The following NCK2 variants were observed in gnomAD, a reference collection of about 807,000 sequenced individuals.
NCK2 encodes NCK adaptor protein 2, also known as cytoplasmic protein NCK2.
In NCK2, 16 loss-of-function variants were observed where a neutral mutation model predicts 33.9. That is an observed-to-expected ratio of 0.47 (90% CI 0.32 to 0.72). NCK2 has a LOEUF of 0.72. Ranked by LOEUF, NCK2 falls within the 30% of genes least tolerant of loss-of-function variation. NCK2 has a pLI of 0.03. For synonymous variants in NCK2, 273 were observed against 239.9 expected, an observed-to-expected ratio of 1.14 and a Z score of -1.27; for missense variants, 418 against 537.3, an observed-to-expected ratio of 0.78 and a Z score of 2.19.
rs1033512655 is a variant in NCK2 at position 105,894,168 on chromosome 2, G to A, written c.*992G>A. 6.6e-5 allele frequency: 10 copies of A among 152,380 alleles called. No individual in the cohort carries two copies. Among genetic ancestry groups the A allele is most frequent in the East Asian group, 1.9e-4 (1 of 5,176 alleles). The allele number at this position is 152,380 out of a possible 1,614,324, so 9.4% of individuals were successfully genotyped here. On this transcript the variant is annotated 3_prime_UTR_variant, in exon 5 of 5. Transcript: ENST00000233154. ...AACTTCTTTATAGTTTAAATATAACGTCTTGAGATGGCACATTCCTACGAT... is the reference window on the plus strand; with the variant it reads ...AACTTCTTTATAGTTTAAATATAACATCTTGAGATGGCACATTCCTACGAT...
intron 1 of NCK2, among the ~76,000 whole-genome samples, chr2:105,776,929 G>A (rs1017697368): frequency 6.6e-6 from 1 of 151,228 alleles, no homozygotes; most frequent in African/African-American, 2.4e-5. Flanking sequence ...ACCTCCTAGG[G>A]GTTTCATATA....
intron 2 of NCK2, among the ~76,000 whole-genome samples, chr2:105,840,271 C>T (rs1395056506): frequency 3.3e-5 from 5 of 152,090 alleles, no homozygotes; most frequent in Non-Finnish European, 2.9e-5. Flanking sequence ...ATTCAGTCCA[C>T]GGAGGAGGAC....
intron 3 of NCK2, chr2:105,856,991 T>C (rs1318435235): frequency 1.3e-5 from 2 of 151,976 alleles, no homozygotes; most frequent in Admixed American, 1.3e-4. Flanking sequence ...TTTTTAGTGA[T>C]GCCAAACATT....
chr2:105,780,463 G>C (rs960297347), intron 1 of NCK2, among the ~76,000 whole-genome samples: 1 of 151,956 alleles, frequency 6.6e-6, no homozygotes, highest in African/African-American at 2.4e-5. Context: ...CTCAAATCCT[G>C]CTTCTCGCTC....
At chr2:105,778,877 T>C (rs1426220140) in intron 1 of NCK2, among the ~76,000 whole-genome samples, 2 of 152,104 alleles carry the variant, frequency 1.3e-5, no homozygotes, top group Non-Finnish European at 2.9e-5. Flanking sequence ...CACACACCAC[T>C]ATACCAGGCT....
chr2:105,778,717 C>T (rs1385407566), intron 1 of NCK2, among the ~76,000 whole-genome samples: 3 of 151,930 alleles, frequency 2.0e-5, no homozygotes, highest in Non-Finnish European at 2.9e-5. Flanking sequence ...TTTTTTTCTT[C>T]TTTCATTTCT....
At chr2:105,819,128 C>T (rs978019416) in intron 2 of NCK2, among the ~76,000 whole-genome samples, 1 of 152,090 alleles carries the variant, frequency 6.6e-6, no homozygotes, top group Non-Finnish European at 1.5e-5. Flanking sequence ...GGTTGGCACT[C>T]ACACTGCATA....
intron 2 of NCK2, among the ~76,000 whole-genome samples, chr2:105,842,365 C>T (rs1003102484): frequency 5.9e-5 from 9 of 152,198 alleles, no homozygotes; most frequent in Admixed American, 1.3e-4. Context: ...GGATTACAGG[C>T]GTGAGCCACT....
chr2:105,862,522 A>G lies in NCK2; in HGVS notation c.226+7233A>G, dbSNP rs1212673913. 9.2e-5 allele frequency among the ~76,000 whole-genome samples: 14 copies of G among 152,226 alleles called. 1 individual carries two copies. The highest frequency in any genetic ancestry group is 9.2e-4 in the Admixed American group (14 of 15,296). On this transcript the variant is annotated intron_variant, in intron 3 of 4. Transcript: ENST00000233154. The stretch of plus-strand genomic sequence containing the variant: ...GAATTATTTTTCCTCTACCAAATTG[A>G]CTATCTGGATTTAGTGGTAGGCCGC...
intron 1 of NCK2, among the ~76,000 whole-genome samples, chr2:105,749,961 C>T (rs547703563): frequency 2.6e-5 from 4 of 151,556 alleles, no homozygotes; most frequent in Admixed American, 2.0e-4. Context: ...ACCCAGGAGG[C>T]GGAGGTTGCA....
intron 2 of NCK2, among the ~76,000 whole-genome samples, chr2:105,831,976 T>G (rs1414703314): frequency 6.6e-6 from 1 of 152,188 alleles, no homozygotes; most frequent in Non-Finnish European, 1.5e-5. Flanking sequence ...GTAGATTGCT[T>G]TGGATGTAAT....
intron 1 of NCK2, among the ~76,000 whole-genome samples, chr2:105,800,634 A>G (rs75403993): frequency 6.6e-6 from 1 of 152,184 alleles, no homozygotes; most frequent in Non-Finnish European, 1.5e-5. Context: ...AGAAACATTC[A>G]TCCTGTTTTT....
intron 1 of NCK2, among the ~76,000 whole-genome samples, chr2:105,757,990 T>C (rs893518905): frequency 2.5e-4 from 38 of 152,184 alleles, no homozygotes; most frequent in African/African-American, 8.7e-4. Context: ...GTGGGTGTTA[T>C]TATTCCAGGG....
At chr2:105,853,927 C>A (rs1001603264) in intron 2 of NCK2, 2 of 152,172 alleles carry the variant, frequency 1.3e-5, no homozygotes, top group Admixed American at 6.5e-5. Flanking sequence ...GGATGAGGAA[C>A]CTGATCAGAT....
chr2:105,769,052 T>TC (rs1690040523), intron 1 of NCK2, among the ~76,000 whole-genome samples: 1 of 152,058 alleles, frequency 6.6e-6, no homozygotes, highest in South Asian at 2.1e-4. Context: ...AATGACCAGC[T>TC]CCCCTCCAGG....
At chr2:105,861,768 G>A (rs948914620) in intron 3 of NCK2, among the ~76,000 whole-genome samples, 7 of 152,040 alleles carry the variant, frequency 4.6e-5, no homozygotes, top group Non-Finnish European at 1.0e-4. Context: ...ACCTCCCTCA[G>A]CCTCCCAAAG....
intron 4 of NCK2, among the ~76,000 whole-genome samples, chr2:105,892,020 G>A (rs1679007055): frequency 6.6e-6 from 1 of 152,044 alleles, no homozygotes; most frequent in Non-Finnish European, 1.5e-5. Flanking sequence ...TTCCACTGCT[G>A]TTCATATTTT....
intron 1 of NCK2, among the ~76,000 whole-genome samples, chr2:105,800,156 G>A (rs58533035): frequency 0.011 from 1,683 of 152,308 alleles, 32 homozygotes; most frequent in African/African-American, 0.038. Flanking sequence ...TGGCTGCACC[G>A]TATAGTCTGG....
chr2:105,865,839 A>G (rs1029395435), intron 3 of NCK2, among the ~76,000 whole-genome samples: 17 of 152,158 alleles, frequency 1.1e-4, no homozygotes, highest in African/African-American at 3.9e-4. Context: ...CAGAATCATA[A>G]TCTCTGAAAT....
Sources: gnomAD v4.1 joint callset for allele counts (sites outside exome capture counted in the v4.1 genomes callset) on GRCh38, gnomAD v4.1.1 for gene constraint, MANE v1.5 for transcripts, NCBI Gene and HGNC (gene_info 2026-07-23, HGNC 2026-07-21) for gene names.